WNT9B: variants seen among roughly 807,000 people sequenced by gnomAD.
WNT9B encodes the protein Wnt family member 9B.
Under a neutral mutation model 30.2 loss-of-function variants are expected in WNT9B, and 12 were observed. That is an observed-to-expected ratio of 0.40 (90% CI 0.26 to 0.64). The LOEUF is 0.64. Among genes scored for constraint, WNT9B ranks in the 30% least tolerant of loss-of-function variants. WNT9B has a pLI of 0.42. For missense variants in WNT9B, 442 were observed against 485.2 expected (o/e 0.91, Z 0.84); for synonymous variants, 218 against 216.9 (o/e 1.01, Z -0.05).
chr17:46,856,340 A>G (rs1295620815), intron 1 of WNT9B, among the ~76,000 whole-genome samples: 5 of 152,202 alleles, frequency 3.3e-5, no homozygotes, highest in Admixed American at 3.3e-4. Flanking sequence ...TGCTCAGTCC[A>G]GGCTCACTCT....
At chr17:46,852,090 G>A (rs1432060865) in intron 1 of WNT9B, among the ~76,000 whole-genome samples, 1 of 152,244 alleles carries the variant, frequency 6.6e-6, no homozygotes, top group African/African-American at 2.4e-5. Flanking sequence ...TCACGCCGGT[G>A]CCCTGTCTGC....
At chr17:46,837,622 C>T (rs1306155476) in intron 1 of WNT9B, among the ~76,000 whole-genome samples, 1 of 152,138 alleles carries the variant, frequency 6.6e-6, no homozygotes, top group Non-Finnish European at 1.5e-5. Flanking sequence ...GGGATGTGAA[C>T]CCAGAGAGTC....
At chr17:46,853,195 C>G (rs1455128133) in intron 1 of WNT9B, among the ~76,000 whole-genome samples, 1 of 151,992 alleles carries the variant, frequency 6.6e-6, no homozygotes, top group Non-Finnish European at 1.5e-5. Flanking sequence ...TTGCCACTTG[C>G]TAGGTGTGCT....
intron 1 of WNT9B, among the ~76,000 whole-genome samples, chr17:46,841,285 C>G (rs925915508): frequency 1.3e-5 from 2 of 152,178 alleles, no homozygotes; most frequent in Non-Finnish European, 1.5e-5. Flanking sequence ...AAGGGACTTG[C>G]CCACGGTCAC....
intron 1 of WNT9B, among the ~76,000 whole-genome samples, chr17:46,855,897 C>G (rs2146552596): frequency 1.3e-5 from 2 of 152,248 alleles, no homozygotes; most frequent in East Asian, 3.9e-4. Context: ...CCATGTTGAT[C>G]AGGCTGGTCT....
intron 1 of WNT9B, among the ~76,000 whole-genome samples, chr17:46,852,948 G>T (rs1383667574): frequency 6.6e-6 from 1 of 152,106 alleles, no homozygotes; most frequent in Admixed American, 6.5e-5. Flanking sequence ...TATCATCCCA[G>T]ACCCTAGCTC....
chr17:46,883,474 G>A (rs113563190), downstream of WNT9B, among the ~76,000 whole-genome samples: 3 of 151,444 alleles, frequency 2.0e-5, no homozygotes, highest in East Asian at 3.9e-4. Flanking sequence ...TAGTAGAGAC[G>A]GGGTTTCACC....
chr17:46,837,832 TACACCACATATGAGG>T (rs945818109), intron 1 of WNT9B, among the ~76,000 whole-genome samples: 3 of 152,194 alleles, frequency 2.0e-5, no homozygotes, highest in Non-Finnish European at 4.4e-5. Context: ...TGCAAAAGGT[TACACCACATATGAGG>T]ACACTGTGCA....
chr17:46,851,677 C>A lies in WNT9B; in HGVS notation c.39C>A (p.Cys13Ter). The change falls in exon 1 of 4, where the codon TGC (cysteine) becomes TGA (stop). Residue 13 changes from cysteine to a stop codon, truncating the protein, a stop_gained. Transcript: ENST00000290015. LOFTEE classifies it high-confidence loss of function. The surrounding 1 kb of genome is among the most constrained non-coding windows in gnomAD (Gnocchi z 4.3). ...PPPALALAGL[C>*]LLALPAAAAS... ...CCGCGCTGGCCCTGGCCGGGCTCTG[C>A]CTGCTGGCGCTGCCCGCCGCCGCCG... The A allele has an allele frequency of 7.6e-7, 1 of 1,309,926 alleles. No individual in the cohort carries two copies. Among genetic ancestry groups the A allele is most frequent in the Admixed American group, 3.7e-5 (1 of 27,340 alleles). The allele number at this position is 1,309,926 out of a possible 1,614,324, so 81.1% of individuals were successfully genotyped here.
chr17:46,878,994 G>A lies in WNT9B; in HGVS notation c.*2276G>A, dbSNP rs945172360. Reference sequence around the variant, plus strand: ...CCAGTTACCCCTGAAGACCCACCTCGGCCCTCTTGGGGCCCCTGGGGACTA... The same window carrying A: ...CCAGTTACCCCTGAAGACCCACCTCAGCCCTCTTGGGGCCCCTGGGGACTA... On this transcript the variant is annotated 3_prime_UTR_variant, in exon 4 of 4. Coordinates refer to ENST00000290015, the MANE Select transcript of WNT9B (RefSeq NM_003396.3). Among the ~76,000 whole-genome samples the A allele has an allele frequency of 6.6e-6, 1 of 152,028 alleles. No individual in the cohort carries two copies. Among genetic ancestry groups the A allele is most frequent in the African/African-American group, 2.4e-5 (1 of 41,384 alleles).
chr17:46,880,570 T>C (rs545264370), downstream of WNT9B, among the ~76,000 whole-genome samples: 224 of 152,342 alleles, frequency 1.5e-3, no homozygotes, highest in African/African-American at 5.0e-3. Flanking sequence ...ATTTACTTTG[T>C]CTCAATTTAT....
Position 46,834,910 on chromosome 17 carries a change from G to A in WNT9B, c.95+1470G>A, listed in dbSNP as rs1456984886. ...AAGCATTCCAAAAAATGGCCATTGAGCTCACCTGTCAGTGTTCCTCCCCCA... is the reference window on the plus strand; with the variant it reads ...AAGCATTCCAAAAAATGGCCATTGAACTCACCTGTCAGTGTTCCTCCCCCA... On this transcript the variant is annotated intron_variant, in intron 1 of 2. Transcript: ENST00000575372. Among the ~76,000 whole-genome samples the A allele has an allele frequency of 2.0e-5, 3 of 152,278 alleles. No homozygotes were observed. In the South Asian group the frequency reaches 6.2e-4, roughly 32 times the overall value.
rs11871306 is a variant in WNT9B at position 46,877,618 on chromosome 17, T to C, written c.*900T>C. ...GCAGAGGAGGAGGGCAACAGCTTCC[T>C]GGTGCCTGGCAGTGACGTGGCGAGC... On this transcript the variant is annotated 3_prime_UTR_variant, in exon 4 of 4. Coordinates refer to ENST00000290015, the MANE Select transcript of WNT9B (RefSeq NM_003396.3). 0.085 allele frequency among the ~76,000 whole-genome samples: 12,901 copies of C among 152,158 alleles called. 1,399 individuals carry two copies. The highest frequency in any genetic ancestry group is 0.25 in the African/African-American group (10,470 of 41,450).
intron 1 of WNT9B, among the ~76,000 whole-genome samples, chr17:46,840,651 T>A (rs1362675502): frequency 6.6e-6 from 1 of 152,228 alleles, no homozygotes; most frequent in African/African-American, 2.4e-5. Context: ...CTCCACATCC[T>A]TTCCTGCATC....
downstream of WNT9B, among the ~76,000 whole-genome samples, chr17:46,881,918 G>A (rs926695254): frequency 1.3e-5 from 2 of 152,106 alleles, no homozygotes; most frequent in African/African-American, 2.4e-5. Context: ...CCACATCTAA[G>A]AGATGTAACA....
rs548768993 is a variant in WNT9B, at chr17:46,876,751, C to CA, written c.*34dup. On this transcript the variant is annotated 3_prime_UTR_variant, in exon 4 of 4. Transcript: ENST00000290015. The stretch of plus-strand genomic sequence containing the variant: ...GCCCAGCAAGCCAGTCTGGCACTGC[C>CA]AGGACCTCCTGTGGCACCCTTCAAG... 1.9e-4 allele frequency: 287 copies of CA among 1,510,756 alleles called. 7 individuals carry two copies. The Admixed American group carries it at 6.0e-3, about 32-fold the overall frequency. The allele number at this position is 1,510,756 out of a possible 1,614,324, so 93.6% of individuals were successfully genotyped here. A position where few individuals can be genotyped will look rare whatever the true frequency, so the allele number is the denominator to read the frequency against.
chr17:46,857,138 C>T (rs1020586718), intron 1 of WNT9B, among the ~76,000 whole-genome samples: 1 of 152,078 alleles, frequency 6.6e-6, no homozygotes, highest in African/African-American at 2.4e-5. Flanking sequence ...TATGGCTATA[C>T]CACAAATTAT....
chr17:46,871,065 C>T (rs1316370558), intron 1 of WNT9B, among the ~76,000 whole-genome samples: 8 of 151,958 alleles, frequency 5.3e-5, no homozygotes, highest in East Asian at 1.9e-4. Context: ...TGTGTGCCAC[C>T]ATGCCCACAT....
chr17:46,875,394 G>A (rs2085328510), intron 3 of WNT9B, 28 bp downstream of exon 3: 2 of 1,563,406 alleles, frequency 1.3e-6, no homozygotes, highest in South Asian at 2.4e-5. Flanking sequence ...TGCCCGCAGT[G>A]CCTTCCCACC....
Sources: allele counts gnomAD v4.1 joint callset (sites outside exome capture counted in the v4.1 genomes callset), GRCh38; gene constraint gnomAD v4.1.1; non-coding constraint Gnocchi (gnomAD v3.1); transcripts MANE v1.5; gene names NCBI Gene and HGNC (gene_info 2026-07-23, HGNC 2026-07-21).